The following POU2AF2 variants were observed in gnomAD, a reference collection of about 807,000 sequenced individuals.
POU2AF2 encodes the protein POU domain class 2-associating factor 2.
the POU2AF2 span, chr11:111,255,864 G>T: frequency 2.5e-6 from 1 of 396,356 alleles, no homozygotes; most frequent in Non-Finnish European, 4.4e-6. Flanking sequence ...TCAAATCCAG[G>T]AATTCTATCA....
the POU2AF2 span, among the ~76,000 whole-genome samples, chr11:111,252,141 G>A: frequency 3.3e-5 from 5 of 152,266 alleles, no homozygotes; most frequent in African/African-American, 1.2e-4. Context: ...TCAATTCCCA[G>A]GCCCTCCTCC....
chr11:111,282,977 C>A, the POU2AF2 span, among the ~76,000 whole-genome samples: 3 of 150,094 alleles, frequency 2.0e-5, no homozygotes, highest in Admixed American at 2.0e-4. Context: ...TCCTTGGAAA[C>A]CATTTCACTG....
the POU2AF2 span, chr11:111,255,868 T>C: frequency 2.5e-6 from 1 of 396,396 alleles, no homozygotes; most frequent in Non-Finnish European, 4.4e-6. Flanking sequence ...ATCCAGGAAT[T>C]CTATCATTCT....
At chr11:111,266,397 C>G in the POU2AF2 span, among the ~76,000 whole-genome samples, 1 of 152,074 alleles carries the variant, frequency 6.6e-6, no homozygotes, top group Non-Finnish European at 1.5e-5. Context: ...CAAGCTGAAC[C>G]CCCTCTGTAA....
chr11:111,264,556 GAA>G, the POU2AF2 span, among the ~76,000 whole-genome samples: 3,530 of 63,250 alleles, frequency 0.056, 414 homozygotes, highest in Middle Eastern at 0.12. Flanking sequence ...AAGAAAGAAA[GAA>G]AGAAAGAAAG....
At chr11:111,268,682 C>G in the POU2AF2 span, among the ~76,000 whole-genome samples, 1 of 151,646 alleles carries the variant, frequency 6.6e-6, no homozygotes, top group Non-Finnish European at 1.5e-5. Context: ...TACAGGCACA[C>G]GCCACCATGC....
chr11:111,250,070 ACAACCT>A, the POU2AF2 span, among the ~76,000 whole-genome samples: 1 of 152,130 alleles, frequency 6.6e-6, no homozygotes, highest in Non-Finnish European at 1.5e-5. Context: ...TCATGTCACC[ACAACCT>A]CAAAGCCAAC....
the POU2AF2 span, among the ~76,000 whole-genome samples, chr11:111,272,781 T>C: frequency 2.0e-5 from 3 of 152,208 alleles, no homozygotes; most frequent in Non-Finnish European, 2.9e-5. Context: ...TACATTTTAA[T>C]AAAATGAATG....
At chr11:111,257,420 C>T in the POU2AF2 span, among the ~76,000 whole-genome samples, 927 of 149,284 alleles carry the variant, frequency 6.2e-3, 11 homozygotes, top group African/African-American at 0.02. Context: ...TGTGCAGTGG[C>T]GCAATCTCGG....
At chr11:111,278,850 G>C in the POU2AF2 span, among the ~76,000 whole-genome samples, 1 of 152,202 alleles carries the variant, frequency 6.6e-6, no homozygotes, top group East Asian at 1.9e-4. Flanking sequence ...AGCCAACTTT[G>C]TAATTGGTAA....
chr11:111,264,682 G>A, the POU2AF2 span, among the ~76,000 whole-genome samples: 35 of 143,364 alleles, frequency 2.4e-4, no homozygotes, highest in African/African-American at 8.2e-4. Flanking sequence ...GAAGGAAGGA[G>A]AGAGAAAGAC....
the POU2AF2 span, among the ~76,000 whole-genome samples, chr11:111,276,453 A>AAAAAAAAATATATATATAT: frequency 1.9e-4 from 7 of 37,648 alleles, no homozygotes; most frequent in Non-Finnish European, 3.5e-4. Flanking sequence ...AAAAAAAAAA[A>AAAAAAAAATATATATATAT]ATATATATAT....
chr11:111,271,388 G>A, the POU2AF2 span, among the ~76,000 whole-genome samples: 5 of 151,146 alleles, frequency 3.3e-5, no homozygotes, highest in Admixed American at 6.6e-5. Context: ...GTTCCTTAGC[G>A]TGGCTCAAAA....
the POU2AF2 span, among the ~76,000 whole-genome samples, chr11:111,278,073 G>A: frequency 6.6e-6 from 1 of 152,112 alleles, no homozygotes; most frequent in Admixed American, 6.5e-5. Flanking sequence ...TATTAAACAG[G>A]AAAACCCATA....
the POU2AF2 span, among the ~76,000 whole-genome samples, chr11:111,273,375 G>A: frequency 1.3e-5 from 2 of 152,178 alleles, no homozygotes; most frequent in African/African-American, 4.8e-5. Context: ...ACATTAAAAT[G>A]TGGTGTCAGA....
chr11:111,273,421 C>T, the POU2AF2 span, among the ~76,000 whole-genome samples: 1 of 152,266 alleles, frequency 6.6e-6, no homozygotes, highest in East Asian at 1.9e-4. Context: ...ACCTGCCTCA[C>T]AACCATAGAA....
At chr11:111,285,715 T>C in the POU2AF2 span, 3 of 1,613,912 alleles carry the variant, frequency 1.9e-6, no homozygotes, top group South Asian at 1.1e-5. Flanking sequence ...TGTCTGCCGA[T>C]GCCCTGCTGA....
the POU2AF2 span, among the ~76,000 whole-genome samples, chr11:111,281,595 C>T: frequency 2.0e-5 from 3 of 152,210 alleles, no homozygotes; most frequent in Non-Finnish European, 4.4e-5. Flanking sequence ...GGACAGAACT[C>T]ATGCAGTAAT....
chr11:111,263,073 C>T, the POU2AF2 span, among the ~76,000 whole-genome samples: 1 of 152,118 alleles, frequency 6.6e-6, no homozygotes, highest in African/African-American at 2.4e-5. Flanking sequence ...TAACAAAAAT[C>T]CCTAACACAA....
Sources: allele counts gnomAD v4.1 joint callset (sites outside exome capture counted in the v4.1 genomes callset), GRCh38; gene constraint gnomAD v4.1.1; transcripts MANE v1.5; gene names NCBI Gene and HGNC (gene_info 2026-07-23, HGNC 2026-07-21).